Variants in MSC observed in about 807,000 individuals in gnomAD.
MSC encodes the protein activated B-cell factor 1, homolog of mouse musculin.
A neutral mutation model predicts 14.4 loss-of-function variants in MSC; 16 were observed. The observed-to-expected ratio is 1.11, with a 90% confidence interval of 0.75 to 1.69. The LOEUF (loss-of-function observed/expected upper bound fraction) is 1.69. Among genes scored for constraint, MSC ranks in the 40% most tolerant of loss-of-function variants. The probability of loss-of-function intolerance (pLI) is 0.00; values close to 1 mark genes in which losing one functional copy is unlikely to be tolerated. For missense variants in MSC, 320 were observed against 288.1 expected, an observed-to-expected ratio of 1.11 and a Z score of -0.80; for synonymous variants, 165 against 128.5, an observed-to-expected ratio of 1.28 and a Z score of -1.92.
At chr8:71,843,354 C>T (rs1252322720) in intron 1 of MSC, 1 of 511,158 alleles carries the variant, frequency 2.0e-6, no homozygotes, top group East Asian at 3.7e-5. Flanking sequence ...AACCTGGTGG[C>T]AGATGGAGAT....
In MSC at chr8:71,844,063, G is replaced by A. The variant is rs762625407; in HGVS notation, c.116C>T (p.Ala39Val). ...PPLRGVERSY[A>V]SPSDNSSAEE... The stretch of plus-strand genomic sequence containing the variant: ...TGCCGACGAGTTGTCACTGGGCGAG[G>A]CGTAGCTGCGCTCTACGCCGCGGAG... The change falls in exon 1 of 2, where the codon GCC becomes GTC. Residue 39 changes from alanine to valine, a missense_variant. Transcript: ENST00000325509. 6.6e-7 allele frequency: 1 copy of A among 1,522,940 alleles called. No homozygotes were observed. The highest frequency in any genetic ancestry group is 1.4e-5 in the African/African-American group (1 of 71,634). 94.3% of individuals were successfully genotyped at this position (1,522,940 alleles called of 1,614,324 possible).
In MSC at chr8:71,842,247, T is replaced by C; in HGVS notation, c.*414A>G. On this transcript the variant is annotated 3_prime_UTR_variant, in exon 2 of 2. Transcript: ENST00000325509. ...GCGCGTTCTAACCGTTCCCTAACCA[T>C]TGTGTCACCGCGAAAGGCCGGGGCT... 1 of 235,144 alleles carries C rather than the reference T, an allele frequency of 4.3e-6. No homozygotes were observed. The allele number at this position is 235,144 out of a possible 1,614,324, so 14.6% of individuals were successfully genotyped here.
At chr8:71,843,520 G>T (rs761968045) in intron 1 of MSC, 125 bp downstream of exon 1, 3 of 1,258,426 alleles carry the variant, frequency 2.4e-6, no homozygotes, top group African/African-American at 1.5e-5. Flanking sequence ...TGGCCTTCTC[G>T]TTCCCAGTCC....
At chr8:71,843,333 C>G (rs950780099) in intron 1 of MSC, 13 of 477,100 alleles carry the variant, frequency 2.7e-5, no homozygotes, top group East Asian at 1.2e-4. Context: ...GGAGATTTGC[C>G]GTCAGTCTGC....
In MSC at chr8:71,843,818, G is replaced by A. The variant is rs1183172324; in HGVS notation, c.361C>T (p.Arg121Cys). The A allele has an allele frequency of 1.2e-6, 2 of 1,613,392 alleles. No homozygotes were observed. Among genetic ancestry groups the A allele is most frequent in the South Asian group, 1.1e-5 (1 of 91,078 alleles). The change falls in exon 1 of 2, where the codon CGC becomes TGC. Residue 121 changes from arginine to cysteine, a missense_variant. Physicochemically the swap from Arg to Cys is radical, Grantham distance 180. Transcript: ENST00000325509. ...AANARERARM[R>C]VLSKAFSRLK... ...CTGGAGAAGGCTTTGCTCAGCACGC[G>A]CATCCGGGCACGCTCACGGGCGTTG... is the stretch of plus-strand genomic sequence containing the variant.
At position 71,842,190 on chromosome 8, in the gene MSC, G is replaced by A. The variant is rs1336314918; in HGVS notation, c.*471C>T. 1.0e-5 allele frequency: 2 copies of A among 190,838 alleles called. No homozygotes were observed. The highest frequency in any genetic ancestry group is 4.6e-5 in the African/African-American group (2 of 43,598). 11.8% of individuals were successfully genotyped at this position (190,838 alleles called of 1,614,324 possible). A position where few individuals can be genotyped will look rare whatever the true frequency, so the allele number is the denominator to read the frequency against. ...AACCCTGTCCCGACGCGGATCTCAC[G>A]TCTAGACCTCTGTCTTTAAAGCGGA... is the stretch of plus-strand genomic sequence containing the variant. On this transcript the variant is annotated 3_prime_UTR_variant, in exon 2 of 2. Transcript: ENST00000325509.
chr8:71,843,054 A>ACG (rs1455712202), intron 1 of MSC: 4 of 323,982 alleles, frequency 1.2e-5, no homozygotes, highest in African/African-American at 2.5e-5. Context: ...ACACACGCAC[A>ACG]CACACACACA....
Position 71,843,939 on chromosome 8 carries a change from G to A in MSC, c.240C>T (p.Gly80=), listed in dbSNP as rs1446996376. 1 of 1,563,088 alleles carries A rather than the reference G, an allele frequency of 6.4e-7. No homozygotes were observed. The highest frequency in any genetic ancestry group is 2.4e-5 in the East Asian group (1 of 41,648). ...CGCCCGCGCTACCACCTGCGCCGCC[G>A]CCCCCAGCCACACGGGGCCGCTTCC... ...CKRKRPRVAG[G]GGAGGSAGGG... is the part of the protein sequence containing the mutation. The change falls in exon 1 of 2, where the codon GGC becomes GGT. Residue 80 remains glycine (G), a synonymous_variant. Transcript: ENST00000325509.
rs1807406920 is a variant in MSC at position 71,842,617 on chromosome 8, C to G, written c.*44G>C. On this transcript the variant is annotated 3_prime_UTR_variant, in exon 2 of 2. Coordinates refer to ENST00000325509, the MANE Select transcript of MSC (RefSeq NM_005098.4). ...CCCTTCTCTCCGTGGCCCCCAAACA[C>G]TCGCATTTAACGAATAATCCCATCA... is the stretch of plus-strand genomic sequence containing the variant. 1 of 1,586,116 alleles carries G rather than the reference C, an allele frequency of 6.3e-7. No homozygotes were observed. Among genetic ancestry groups the G allele is most frequent in the African/African-American group, 1.3e-5 (1 of 74,308 alleles).
At position 71,843,050 on chromosome 8, in the gene MSC, GCACA is replaced by G. The variant is rs59293389; in HGVS notation, c.535-307_535-304del. The G allele has an allele frequency of 1.0e-2, 1,667 of 167,500 alleles. 12 individuals carry two copies. The highest frequency in any genetic ancestry group is 0.042 in the African/African-American group (581 of 13,760). The allele number at this position is 167,500 out of a possible 1,614,324, so 10.4% of individuals were successfully genotyped here. A position where few individuals can be genotyped will look rare whatever the true frequency, so the allele number is the denominator to read the frequency against. On this transcript the variant is annotated intron_variant, in intron 1 of 1. Transcript: ENST00000325509. ...TTCCCCAACACACACACACACACAC[GCACA>G]CACACACACACACACACACACACAC... is the stretch of plus-strand genomic sequence containing the variant.
At position 71,843,031 on chromosome 8, in the gene MSC, A is replaced by AACACACACACACACAC. The variant is rs569519706; in HGVS notation, c.535-300_535-285dup. On this transcript the variant is annotated intron_variant, in intron 1 of 1. Transcript: ENST00000325509. ...GTTCTGTCGTTTAGTTCCCTTCCCC[A>AACACACACACACACAC]ACACACACACACACACACGCACACA... The AACACACACACACACAC allele has an allele frequency of 2.2e-5, 6 of 268,956 alleles. 1 individual carries two copies. The highest frequency in any genetic ancestry group is 3.8e-5 in the African/African-American group (1 of 26,510). The allele number at this position is 268,956 out of a possible 1,614,324, so 16.7% of individuals were successfully genotyped here. A position where few individuals can be genotyped will look rare whatever the true frequency, so the allele number is the denominator to read the frequency against.
At chr8:71,842,823 C>G (rs1807413118) in intron 1 of MSC, 76 bp from the exon 2 acceptor site, 1 of 1,265,514 alleles carries the variant, frequency 7.9e-7, no homozygotes, top group East Asian at 2.3e-5. Context: ...TACGCGAACC[C>G]CAGATATTCC....
Position 71,842,744 on chromosome 8 carries a change from A to C in MSC, c.538T>G (p.Trp180Gly). The C allele has an allele frequency of 6.2e-7, 1 of 1,613,946 alleles. No homozygotes were observed. Among genetic ancestry groups the C allele is most frequent in the Admixed American group, 1.7e-5 (1 of 60,014 alleles). Residue 180 changes from tryptophan (W) to glycine (G), a missense_variant, in exon 2 of 2, where the codon TGG becomes GGG. Physicochemically the swap from Trp to Gly is radical, Grantham distance 184 (BLOSUM62 -2). Transcript: ENST00000325509. ...NGYVHPVNLT[W>G]PFVVSGRPDS... ...GGTCTTCCCGAGACCACGAATGGCC[A>C]TGTCTGTAAATCAAAAAGAACGTGA...
intron 1 of MSC, chr8:71,843,362 G>A (rs773376265): frequency 3.8e-6 from 2 of 530,004 alleles, no homozygotes; most frequent in African/African-American, 1.9e-5. Context: ...GGCAGATGGA[G>A]ATGGAACCAA....
Position 71,843,701 on chromosome 8 carries a change from G to A in MSC, c.478C>T (p.Arg160Trp). 6.2e-7 allele frequency: 1 copy of A among 1,614,236 alleles called. No homozygotes were observed. ...RLASSYIAHL[R>W]QLLQEDRYEN... ...TAGCGGTCCTCCTGCAACAGCTGCC[G>A]CAGGTGAGCGATGTAACTGGAAGCC... is the stretch of plus-strand genomic sequence containing the variant. Residue 160 changes from arginine to tryptophan, a missense_variant, in exon 1 of 2, where the codon CGG (arginine) becomes TGG (tryptophan). By Grantham distance (101) the Arg-to-Trp change is moderately radical (BLOSUM62 -3). Transcript: ENST00000325509.
At position 71,843,990 on chromosome 8, in the gene MSC, T is replaced by G; in HGVS notation, c.189A>C (p.Thr63=). ...TCTTGCAGCCTTCCGCGCTGCCGGC[T>G]GTGCCCAGAGCGCAGCGCTCCTCCT... ...DGEEERCALG[T]AGSAEGCKRK... The change falls in exon 1 of 2, where the codon ACA becomes ACC. Residue 63 remains threonine (T), a synonymous_variant. Transcript: ENST00000325509. 6.4e-7 allele frequency: 1 copy of G among 1,566,584 alleles called. No individual in the cohort carries two copies. Among genetic ancestry groups the G allele is most frequent in the Admixed American group, 1.9e-5 (1 of 53,518 alleles).
Position 71,844,213 on chromosome 8 carries a change from C to T in MSC, c.-35G>A, listed in dbSNP as rs778309378. ...CCCCTTGCCCACACGCGTCCTCTTT[C>T]CTCCCCCCTGGCCAGTCTCGCTGTC... On this transcript the variant is annotated 5_prime_UTR_variant, in exon 1 of 2. Transcript: ENST00000325509. 6 of 1,601,320 alleles carry T rather than the reference C, an allele frequency of 3.7e-6. No homozygotes were observed. In the East Asian group the frequency reaches 1.3e-4, roughly 36 times the overall value.
chr8:71,842,872 A>C (rs1220863083), intron 1 of MSC, 125 bp from the exon 2 acceptor site: 2 of 823,570 alleles, frequency 2.4e-6, no homozygotes, highest in African/African-American at 1.7e-5. Context: ...CATTCTGGGA[A>C]TTTGCATGTC....
At position 71,844,025 on chromosome 8, in the gene MSC, G is replaced by A. The variant is rs1303022259; in HGVS notation, c.154C>T (p.Pro52Ser). ...SDNSSAEEED[P>S]DGEEERCALG... The stretch of plus-strand genomic sequence containing the variant: ...GCGCAGCGCTCCTCCTCGCCGTCGG[G>A]GTCCTCCTCCTCTGCCGACGAGTTG... The change falls in exon 1 of 2, where the codon CCC (proline) becomes TCC (serine). Residue 52 changes from proline to serine, a missense_variant. Pro to Ser is a moderately conservative substitution (Grantham distance 74). Coordinates refer to ENST00000325509, the MANE Select transcript of MSC (RefSeq NM_005098.4). The A allele has an allele frequency of 1.9e-6, 3 of 1,581,898 alleles. No homozygotes were observed. The highest frequency in any genetic ancestry group is 2.6e-6 in the Non-Finnish European group (3 of 1,166,044).
Sources: allele counts gnomAD v4.1 joint callset, GRCh38; gene constraint gnomAD v4.1.1; transcripts MANE v1.5; gene names NCBI Gene and HGNC (gene_info 2026-07-23, HGNC 2026-07-21).